The following CAPS2 variants were observed in gnomAD, a reference collection of about 807,000 sequenced individuals.
The protein encoded by CAPS2 is calcyphosin-2.
Under a neutral mutation model 86.5 loss-of-function variants are expected in CAPS2, and 98 were observed. The ratio of observed to expected loss-of-function variants is 1.13; its 90% CI spans 0.96 to 1.34. The LOEUF is 1.34. Ranked by LOEUF, CAPS2 falls within the 40% of genes most tolerant of loss-of-function variation. CAPS2 has a pLI of 0.00. For missense variants in CAPS2, 729 were observed against 686.8 expected (o/e 1.06, Z -0.69); for synonymous variants, 210 against 225.1 (o/e 0.93, Z 0.60).
At chr12:75,367,030 T>C in intron 1 of CAPS2, 1 of 701,062 alleles carries the variant, frequency 1.4e-6, no homozygotes, top group Non-Finnish European at 2.6e-6. Context: ...CTCTCATTTA[T>C]CTCTAAAAAT....
chr12:75,306,350 C>G, intron 7 of CAPS2: 1 of 483,910 alleles, frequency 2.1e-6, no homozygotes, highest in Non-Finnish European at 3.7e-6. Flanking sequence ...GTAACAGTGT[C>G]TCTGAGGACT....
intron 12 of CAPS2, among the ~76,000 whole-genome samples, chr12:75,292,174 C>T (rs995998638): frequency 6.6e-6 from 1 of 152,114 alleles, no homozygotes; most frequent in Admixed American, 6.5e-5. Flanking sequence ...TCAAGCGATT[C>T]TCTCACCTTA....
chr12:75,288,124 G>A (rs2035222430), intron 14 of CAPS2, among the ~76,000 whole-genome samples: 2 of 152,174 alleles, frequency 1.3e-5, no homozygotes, highest in Admixed American at 1.3e-4. Flanking sequence ...TCATGTGATT[G>A]TAAGCAAAGA....
Position 75,298,774 on chromosome 12 carries a change from AT to A in CAPS2, c.956del (p.Asn319MetfsTer34). The A allele has an allele frequency of 6.2e-7, 1 of 1,613,034 alleles. No individual in the cohort carries two copies. Among genetic ancestry groups the A allele is most frequent in the Non-Finnish European group, 8.5e-7 (1 of 1,179,058 alleles). On this transcript the variant is annotated frameshift_variant, in exon 11 of 17. Transcript: ENST00000393284. LOFTEE classifies it high-confidence loss of function. Reference sequence around the variant, plus strand: ...TGCTTTTTTGAATAAAAGGAAGCACATTTGTTCTAGAAAGTAAATGAAAAAA... The same window carrying A: ...TGCTTTTTTGAATAAAAGGAAGCACATTGTTCTAGAAAGTAAATGAAAAAA...
intron 15 of CAPS2, among the ~76,000 whole-genome samples, chr12:75,282,588 T>G (rs1012363618): frequency 6.6e-6 from 1 of 152,142 alleles, no homozygotes; most frequent in Non-Finnish European, 1.5e-5. Flanking sequence ...GGTTTCGCCA[T>G]GTTGGTCAGG....
chr12:75,366,940 T>C lies in CAPS2; in HGVS notation c.-395+23898A>G, dbSNP rs569518357. ...GGGTTAACCACCCAGACATTCCCAC[T>C]CAGTCCCCAGTCACCCAAGGGGCAG... is the stretch of plus-strand genomic sequence containing the variant. On this transcript the variant is annotated intron_variant, in intron 1 of 5. Transcript: ENST00000551829. The C allele has an allele frequency of 3.0e-5, 21 of 701,834 alleles. No individual in the cohort carries two copies. In the Admixed American group the frequency reaches 4.2e-4, roughly 14 times the overall value. The allele number at this position is 701,834 out of a possible 1,614,324, so 43.5% of individuals were successfully genotyped here.
intron 1 of CAPS2, chr12:75,369,541 GA>G (rs1345290461): frequency 1.1e-5 from 11 of 982,266 alleles, no homozygotes; most frequent in Non-Finnish European, 1.3e-5. Flanking sequence ...GTTTGATGTG[GA>G]AAAGACATCG....
At chr12:75,345,809 T>TA (rs1373214280) in intron 1 of CAPS2, among the ~76,000 whole-genome samples, 1 of 152,010 alleles carries the variant, frequency 6.6e-6, no homozygotes, top group East Asian at 1.9e-4. Flanking sequence ...TGCTGTAAAG[T>TA]AAAAAAACAA....
intron 15 of CAPS2, among the ~76,000 whole-genome samples, chr12:75,283,991 C>T (rs968242833): frequency 3.9e-5 from 6 of 152,082 alleles, no homozygotes; most frequent in African/African-American, 1.4e-4. Context: ...CAATAAATTT[C>T]TATTATTTCA....
At chr12:75,289,244 C>T (rs2035430264) in intron 14 of CAPS2, among the ~76,000 whole-genome samples, 1 of 152,152 alleles carries the variant, frequency 6.6e-6, no homozygotes, top group South Asian at 2.1e-4. Flanking sequence ...CTCCAGGCAT[C>T]CTTCCATGAT....
intron 7 of CAPS2, chr12:75,306,505 A>G (rs1283474320): frequency 5.6e-6 from 1 of 180,118 alleles, no homozygotes; most frequent in African/African-American, 2.4e-5. Context: ...TTTTAATGCA[A>G]TGTTGTCATT....
chr12:75,387,415 A>T (rs1172629632), intron 1 of CAPS2, among the ~76,000 whole-genome samples: 1 of 152,194 alleles, frequency 6.6e-6, no homozygotes, highest in East Asian at 1.9e-4. Context: ...CCAAATGCTG[A>T]CAAGGATGTG....
chr12:75,325,028 A>G (rs2040634724), intron 2 of CAPS2, among the ~76,000 whole-genome samples: 1 of 152,140 alleles, frequency 6.6e-6, no homozygotes, highest in African/African-American at 2.4e-5. Context: ...AAAATAAAAA[A>G]CCAAAGAAGT....
chr12:75,344,178 G>C (rs971170169), intron 1 of CAPS2, among the ~76,000 whole-genome samples: 1 of 151,980 alleles, frequency 6.6e-6, no homozygotes, highest in Admixed American at 6.6e-5. Context: ...TTAGAAGAAT[G>C]TTGGCCATTG....
In CAPS2 at chr12:75,277,986, T is replaced by G. The variant is rs181367429; in HGVS notation, c.*904A>C. ...TGTTTAGAATATCATACATTCATTTTAGGATACAAAATATGCTTTCACATT... is the reference window on the plus strand; with the variant it reads ...TGTTTAGAATATCATACATTCATTTGAGGATACAAAATATGCTTTCACATT... On this transcript the variant is annotated 3_prime_UTR_variant, in exon 17 of 17. Coordinates refer to ENST00000393284, the Ensembl canonical transcript of CAPS2. 51 of 890,362 alleles carry G rather than the reference T, an allele frequency of 5.7e-5. No individual in the cohort carries two copies. The East Asian group carries it at 3.4e-3, about 59-fold the overall frequency. 55.2% of individuals were successfully genotyped at this position (890,362 alleles called of 1,614,324 possible).
intron 1 of CAPS2, among the ~76,000 whole-genome samples, chr12:75,346,669 C>T (rs1046038863): frequency 2.0e-5 from 3 of 152,132 alleles, no homozygotes; most frequent in African/African-American, 7.2e-5. Context: ...TTTAAGTTCT[C>T]AGTTCACTTT....
upstream of CAPS2, chr12:75,334,690 G>A: frequency 6.3e-7 from 1 of 1,590,330 alleles, no homozygotes; most frequent in Non-Finnish European, 8.6e-7. Context: ...TTACTGGTCC[G>A]CGCAGTCAGG....
chr12:75,329,762 A>G, upstream of CAPS2: 1 of 1,342,320 alleles, frequency 7.4e-7, no homozygotes, highest in Non-Finnish European at 1.0e-6. Context: ...AATTTCAAGC[A>G]AAACAGGGTA....
intron 1 of CAPS2, among the ~76,000 whole-genome samples, chr12:75,368,298 A>G (rs2044125208): frequency 6.7e-6 from 1 of 150,014 alleles, no homozygotes; most frequent in South Asian, 2.1e-4. Flanking sequence ...TTGGCCATAT[A>G]ATTTTCCTCC....
Sources: gnomAD v4.1 joint callset for allele counts (sites outside exome capture counted in the v4.1 genomes callset) on GRCh38, gnomAD v4.1.1 for gene constraint, MANE v1.5 for transcripts, NCBI Gene and HGNC (gene_info 2026-07-23, HGNC 2026-07-21) for gene names.